Variants in BLM observed in about 807,000 individuals in gnomAD.
BLM encodes the protein recQ-like DNA helicase BLM.
BLM carries 95 observed loss-of-function variants against 135.3 expected under a neutral mutation model. The ratio of observed to expected loss-of-function variants is 0.70; its 90% CI spans 0.59 to 0.83. The LOEUF (loss-of-function observed/expected upper bound fraction) is 0.83. Ranked by LOEUF, BLM falls within the 40% of genes least tolerant of loss-of-function variation. The pLI is 0.00. For synonymous variants in BLM, 520 were observed against 589.2 expected, an observed-to-expected ratio of 0.88 and a Z score of 1.70; for missense variants, 1,518 against 1,663.9, an observed-to-expected ratio of 0.91 and a Z score of 1.53.
intron 1 of BLM, among the ~76,000 whole-genome samples, chr15:90,720,256 T>C (rs1301773591): frequency 1.3e-5 from 2 of 152,106 alleles, no homozygotes; most frequent in African/African-American, 4.8e-5. Context: ...TGGCACAGAG[T>C]AGTCACTGTA....
chr15:90,748,789 G>C (rs532121362), intron 2 of BLM, among the ~76,000 whole-genome samples: 36 of 145,834 alleles, frequency 2.5e-4, no homozygotes, highest in Admixed American at 6.2e-4. Context: ...AGACAGTCTC[G>C]CTCTGTCACC....
At chr15:90,812,493 G>A (rs890796472) in intron 21 of BLM, among the ~76,000 whole-genome samples, 1 of 152,174 alleles carries the variant, frequency 6.6e-6, no homozygotes, top group Non-Finnish European at 1.5e-5. Flanking sequence ...GTTTCTGACA[G>A]CCGCTTTTTG....
intron 1 of BLM, among the ~76,000 whole-genome samples, chr15:90,722,395 C>T (rs1362427153): frequency 6.6e-6 from 1 of 152,060 alleles, no homozygotes; most frequent in Non-Finnish European, 1.5e-5. Flanking sequence ...AGGCATGAGC[C>T]GCCGTGCCCA....
chr15:90,802,069 T>A (rs1897178498), intron 17 of BLM, among the ~76,000 whole-genome samples: 1 of 151,532 alleles, frequency 6.6e-6, no homozygotes, highest in Admixed American at 6.6e-5. Context: ...AAAAAAAAAA[T>A]TGTATTTCAG....
intron 1 of BLM, among the ~76,000 whole-genome samples, chr15:90,737,179 GTT>G (rs35654593): frequency 8.3e-5 from 12 of 144,488 alleles, no homozygotes; most frequent in African/African-American, 2.7e-4. Context: ...TTCTTAGTAG[GTT>G]TTTTTTTTTT....
chr15:90,730,120 C>A lies in BLM; in HGVS notation c.-5+12680C>A, dbSNP rs1202089565. On this transcript the variant is annotated intron_variant, in intron 1 of 21. Coordinates refer to ENST00000355112, the MANE Select transcript of BLM (RefSeq NM_000057.4). ...CCACCCACCTCGGCCTCCCAAAGTG[C>A]TGGGATTACAGGCTTGAGCCACTGC... Among the ~76,000 whole-genome samples, 3 of 152,138 alleles carry A rather than the reference C, an allele frequency of 2.0e-5. No homozygotes were observed. In the South Asian group the frequency reaches 6.2e-4, roughly 32 times the overall value.
At chr15:90,728,013 C>T (rs1486007145) in intron 1 of BLM, among the ~76,000 whole-genome samples, 1 of 152,098 alleles carries the variant, frequency 6.6e-6, no homozygotes, top group Non-Finnish European at 1.5e-5. Flanking sequence ...TTTCCTCCCT[C>T]CTTGACTTCT....
At position 90,809,086 on chromosome 15, in the gene BLM, G is replaced by A. The variant is rs754545405; in HGVS notation, c.3752-51G>A. 10 of 1,609,612 alleles carry A rather than the reference G, an allele frequency of 6.2e-6. No individual in the cohort carries two copies. The African/African-American group carries it at 1.3e-4, about 22-fold the overall frequency. On this transcript the variant is annotated intron_variant, in intron 19 of 21. Coordinates refer to ENST00000355112, the MANE Select transcript of BLM (RefSeq NM_000057.4). ...ATGCGTGAATGAGCCTGAATTCAGTGGGTTTTCTATGGGTGATAATTTAAA... is the reference window on the plus strand; with the variant it reads ...ATGCGTGAATGAGCCTGAATTCAGTAGGTTTTCTATGGGTGATAATTTAAA...
intron 8 of BLM, among the ~76,000 whole-genome samples, chr15:90,764,381 T>C (rs1342443087): frequency 6.6e-6 from 1 of 151,924 alleles, no homozygotes; most frequent in Non-Finnish European, 1.5e-5. Context: ...ACAGGGTCTC[T>C]TGATCTGTCA....
At position 90,769,476 on chromosome 15, in the gene BLM, T is replaced by A; in HGVS notation, c.2445T>A (p.Asn815Lys). 1 of 1,614,180 alleles carries A rather than the reference T, an allele frequency of 6.2e-7. No homozygotes were observed. The highest frequency in any genetic ancestry group is 8.5e-7 in the Non-Finnish European group (1 of 1,180,012). The change falls in exon 12 of 22, where the codon AAT (asparagine) becomes AAA (lysine). Residue 815 changes from asparagine to lysine, a missense_variant. By Grantham distance (94) the Asn-to-Lys change is moderately conservative. Around this residue, in one of 5 missense-constraint regions of BLM, gnomAD observed 626 missense variants for 681.1 expected, o/e 0.92. Transcript: ENST00000355112. ...TTCGTCAAGATTACAAAAGAATGAA[T>A]ATGCTTCGCCAGAAGTTTCCTTCTG... ...HDFRQDYKRM[N>K]MLRQKFPSVP...
At chr15:90,748,922 T>C (rs1895585068) in intron 2 of BLM, among the ~76,000 whole-genome samples, 1 of 152,068 alleles carries the variant, frequency 6.6e-6, no homozygotes, top group Non-Finnish European at 1.5e-5. Context: ...TATGCCCGGC[T>C]AATTTTTTGT....
At chr15:90,804,001 G>C (rs956462520) in intron 18 of BLM, among the ~76,000 whole-genome samples, 166 bp from the exon 19 acceptor site, 2 of 152,130 alleles carry the variant, frequency 1.3e-5, no homozygotes, top group African/African-American at 4.8e-5. Context: ...CTTGACACTG[G>C]AGATACAAAG....
intron 21 of BLM, among the ~76,000 whole-genome samples, chr15:90,814,463 G>GC (rs1184178551): frequency 6.6e-6 from 1 of 152,218 alleles, no homozygotes; most frequent in African/African-American, 2.4e-5. Flanking sequence ...GCTTTAGAAG[G>GC]CAGCGAGTGG....
At chr15:90,777,283 C>G (rs1011968150) in intron 12 of BLM, among the ~76,000 whole-genome samples, 13 of 152,148 alleles carry the variant, frequency 8.5e-5, no homozygotes, top group African/African-American at 2.4e-4. Flanking sequence ...TCCCAAGTAG[C>G]TGGGATTACA....
chr15:90,813,942 T>TG (rs1897487819), intron 21 of BLM, among the ~76,000 whole-genome samples: 1 of 152,012 alleles, frequency 6.6e-6, no homozygotes, highest in South Asian at 2.1e-4. Context: ...GCTCTCTGAG[T>TG]GGGAGTAAAT....
chr15:90,752,065 A>G (rs938971833), intron 4 of BLM, 119 bp downstream of exon 4: 8 of 1,004,104 alleles, frequency 8.0e-6, no homozygotes, highest in Non-Finnish European at 1.1e-5. Flanking sequence ...ATTATTTTAC[A>G]TTCAAGTGAA....
At chr15:90,796,759 A>T (rs932175163) in intron 16 of BLM, among the ~76,000 whole-genome samples, 4 of 152,184 alleles carry the variant, frequency 2.6e-5, no homozygotes, top group Admixed American at 1.3e-4. Context: ...GGAGAATTGG[A>T]TCCATTATGT....
At chr15:90,745,009 C>T (rs1895463343) in intron 1 of BLM, among the ~76,000 whole-genome samples, 1 of 151,964 alleles carries the variant, frequency 6.6e-6, no homozygotes, top group Admixed American at 6.6e-5. Flanking sequence ...CACCACTGCA[C>T]TCCAGCCTGG....
Position 90,784,913 on chromosome 15 carries a change from C to A in BLM, c.2663-8C>A, listed in dbSNP as rs1298698519. 6.2e-7 allele frequency: 1 copy of A among 1,612,290 alleles called. No homozygotes were observed. The highest frequency in any genetic ancestry group is 1.1e-5 in the South Asian group (1 of 90,910). ...TCTTGTTTCTCAGTACTCTTGGTTT[C>A]TTGGCAGATGATTCAGGGATAATTT... On this transcript the variant is annotated splice_region_variant and splice_polypyrimidine_tract_variant and intron_variant, in intron 13 of 21. Coordinates refer to ENST00000355112, the MANE Select transcript of BLM (RefSeq NM_000057.4).
Sources: gnomAD v4.1 joint callset for allele counts (sites outside exome capture counted in the v4.1 genomes callset) on GRCh38, gnomAD v4.1.1 for gene constraint, gnomAD v4.1.1 regional missense constraint, MANE v1.5 for transcripts, NCBI Gene and HGNC (gene_info 2026-07-23, HGNC 2026-07-21) for gene names.